Variants in SCHIP1 observed in about 807,000 individuals in gnomAD.
The protein encoded by SCHIP1 is schwannomin-interacting protein 1.
SCHIP1 carries 8 observed loss-of-function variants against 29.7 expected under a neutral mutation model. The ratio of observed to expected loss-of-function variants is 0.27; its 90% CI spans 0.16 to 0.49. The LOEUF (loss-of-function observed/expected upper bound fraction) is 0.49. Ranked by LOEUF, SCHIP1 falls within the 20% of genes least tolerant of loss-of-function variation. SCHIP1 has a pLI of 0.99. For synonymous variants in SCHIP1, 76 were observed against 94.9 expected (o/e 0.80, Z 1.16); for missense variants, 193 against 294.6 (o/e 0.66, Z 2.52).
chr3:159,401,552 G>C, the SCHIP1 span: 1 of 170,264 alleles, frequency 5.9e-6, no homozygotes, highest in Non-Finnish European at 1.2e-5. Context: ...GTCTCAAAAG[G>C]TTAAGCAACT....
the SCHIP1 span, among the ~76,000 whole-genome samples, chr3:159,703,245 A>G: frequency 3.3e-5 from 5 of 152,382 alleles, no homozygotes; most frequent in South Asian, 1.0e-3. Context: ...CAGCGCACTT[A>G]TAGATTGAAT....
At chr3:159,661,040 G>A in the SCHIP1 span, among the ~76,000 whole-genome samples, 1 of 152,152 alleles carries the variant, frequency 6.6e-6, no homozygotes, top group Admixed American at 6.5e-5. Context: ...CTTCACTGAG[G>A]TCTCAGCCCA....
the SCHIP1 span, among the ~76,000 whole-genome samples, chr3:159,713,284 GA>G: frequency 7.0e-6 from 1 of 141,952 alleles, no homozygotes; most frequent in African/African-American, 2.6e-5. Context: ...AAGAAAGAAA[GA>G]AAAAAGAAAA....
chr3:159,582,330 AT>A, the SCHIP1 span, among the ~76,000 whole-genome samples: 37 of 147,996 alleles, frequency 2.5e-4, 2 homozygotes, highest in East Asian at 6.0e-4. Context: ...TGTCTGGCTT[AT>A]TTTTTTTTTA....
At chr3:159,812,772 C>A in the SCHIP1 span, among the ~76,000 whole-genome samples, 1 of 152,042 alleles carries the variant, frequency 6.6e-6, no homozygotes, top group African/African-American at 2.4e-5. Flanking sequence ...TGTCTTAGTT[C>A]ATTTTCTGTT....
At chr3:159,422,243 A>T in the SCHIP1 span, among the ~76,000 whole-genome samples, 2 of 152,180 alleles carry the variant, frequency 1.3e-5, no homozygotes, top group Non-Finnish European at 2.9e-5. Context: ...AATGAAAAGG[A>T]TGGAAGCATG....
the SCHIP1 span, among the ~76,000 whole-genome samples, chr3:159,314,332 C>T: frequency 6.6e-6 from 1 of 152,164 alleles, no homozygotes; most frequent in Non-Finnish European, 1.5e-5. Context: ...AATAAGTGCT[C>T]TTCATATTAA....
chr3:159,399,436 G>A, the SCHIP1 span, among the ~76,000 whole-genome samples: 1 of 152,164 alleles, frequency 6.6e-6, no homozygotes, highest in Admixed American at 6.5e-5. Flanking sequence ...GTTCACTGAT[G>A]TATCCCAAGT....
chr3:159,381,661 T>A, the SCHIP1 span, among the ~76,000 whole-genome samples: 1 of 152,036 alleles, frequency 6.6e-6, no homozygotes, highest in Non-Finnish European at 1.5e-5. Flanking sequence ...AGTGGCATGA[T>A]CTTGGCTCAC....
chr3:159,808,777 C>T, the SCHIP1 span, among the ~76,000 whole-genome samples: 2 of 152,082 alleles, frequency 1.3e-5, no homozygotes, highest in South Asian at 4.2e-4. Flanking sequence ...AAAAAATAAG[C>T]TAATTACCCC....
At chr3:159,565,870 G>A in the SCHIP1 span, among the ~76,000 whole-genome samples, 2 of 152,122 alleles carry the variant, frequency 1.3e-5, no homozygotes, top group East Asian at 3.8e-4. Flanking sequence ...TTCTTCACAT[G>A]CCTCATATAA....
the SCHIP1 span, among the ~76,000 whole-genome samples, chr3:159,682,577 G>GA: frequency 4.6e-5 from 7 of 152,182 alleles, no homozygotes; most frequent in Admixed American, 1.3e-4. Context: ...AATCTAGAGG[G>GA]AAACTGTGTG....
chr3:159,833,264 G>C, the SCHIP1 span, among the ~76,000 whole-genome samples: 1 of 152,122 alleles, frequency 6.6e-6, no homozygotes, highest in Admixed American at 6.5e-5. Flanking sequence ...ATTCTTTCTG[G>C]AGGCTCTAGA....
the SCHIP1 span, among the ~76,000 whole-genome samples, chr3:159,561,465 G>A: frequency 6.6e-6 from 1 of 152,084 alleles, no homozygotes; most frequent in African/African-American, 2.4e-5. Context: ...TAATGTGCTG[G>A]GACATTTAGC....
chr3:159,867,489 C>T (rs1208642674), intron 2 of SCHIP1, among the ~76,000 whole-genome samples: 1 of 152,174 alleles, frequency 6.6e-6, no homozygotes, highest in Non-Finnish European at 1.5e-5. Flanking sequence ...CTCACATATA[C>T]ACCTATTTGT....
At chr3:159,477,192 G>T in the SCHIP1 span, among the ~76,000 whole-genome samples, 1 of 152,032 alleles carries the variant, frequency 6.6e-6, no homozygotes, top group African/African-American at 2.4e-5. Context: ...TCATTCATTG[G>T]TGGACACTTA....
chr3:159,863,192 T>C (rs1317275132), intron 1 of SCHIP1, among the ~76,000 whole-genome samples: 1 of 152,058 alleles, frequency 6.6e-6, no homozygotes, highest in African/African-American at 2.4e-5. Context: ...ATACAAAAAT[T>C]AGCTGAGCGT....
At chr3:159,635,503 A>G in the SCHIP1 span, among the ~76,000 whole-genome samples, 3 of 152,136 alleles carry the variant, frequency 2.0e-5, no homozygotes, top group Non-Finnish European at 4.4e-5. Flanking sequence ...CCTGTAATAT[A>G]ATTATAATAT....
chr3:159,766,502 T>C, the SCHIP1 span, among the ~76,000 whole-genome samples: 1 of 152,200 alleles, frequency 6.6e-6, no homozygotes, highest in Admixed American at 6.5e-5. Flanking sequence ...GAAAATATCC[T>C]TTTCCCACTT....
Sources: gnomAD v4.1 joint callset for allele counts (sites outside exome capture counted in the v4.1 genomes callset) on GRCh38, gnomAD v4.1.1 for gene constraint, MANE v1.5 for transcripts, NCBI Gene and HGNC (gene_info 2026-07-23, HGNC 2026-07-21) for gene names.